Variants in MFHAS1 observed in about 807,000 individuals in gnomAD.
MFHAS1 encodes malignant fibrous histiocytoma-amplified sequence 1.
Under a neutral mutation model 70.4 loss-of-function variants are expected in MFHAS1, and 50 were observed. That is an observed-to-expected ratio of 0.71 (90% CI 0.57 to 0.90). The LOEUF is 0.90. MFHAS1 is among the 40% of genes least tolerant of loss of function. The probability of loss-of-function intolerance (pLI) is 0.00; values close to 1 mark genes in which losing one functional copy is unlikely to be tolerated. For synonymous variants in MFHAS1, 952 were observed against 620.0 expected (o/e 1.54, Z -7.96); for missense variants, 1,795 against 1,347.6 (o/e 1.33, Z -5.20).
intron 1 of MFHAS1, among the ~76,000 whole-genome samples, chr8:8,839,937 T>C (rs979626538): frequency 6.6e-6 from 1 of 151,996 alleles, no homozygotes; most frequent in African/African-American, 2.4e-5. Flanking sequence ...AACACAATAA[T>C]TGGAGGAAAA....
In MFHAS1 at chr8:8,784,567, G is replaced by C. The variant is rs1240842933; in HGVS notation, c.*1455C>G. On this transcript the variant is annotated 3_prime_UTR_variant, in exon 3 of 3. Coordinates refer to ENST00000276282, the MANE Select transcript of MFHAS1 (RefSeq NM_004225.3). Reference sequence around the variant, plus strand: ...GTGATTTCTAGCAGGGCAGTCGCTTGCTCCTTATTTCTTTTAAAAAACATG... The same window carrying C: ...GTGATTTCTAGCAGGGCAGTCGCTTCCTCCTTATTTCTTTTAAAAAACATG... 2.0e-5 allele frequency: 3 copies of C among 152,160 alleles called. No individual in the cohort carries two copies. In the East Asian group the frequency reaches 5.8e-4, roughly 29 times the overall value. The allele number at this position is 152,160 out of a possible 1,614,324, so 9.4% of individuals were successfully genotyped here. A position where few individuals can be genotyped will look rare whatever the true frequency, so the allele number is the denominator to read the frequency against.
At chr8:8,818,656 A>G (rs1007984922) in intron 1 of MFHAS1, among the ~76,000 whole-genome samples, 1 of 152,242 alleles carries the variant, frequency 6.6e-6, no homozygotes, top group Non-Finnish European at 1.5e-5. Flanking sequence ...GGCTTGGCAC[A>G]TAATAGCAAC....
At chr8:8,804,972 A>C (rs891624756) in intron 1 of MFHAS1, among the ~76,000 whole-genome samples, 2 of 152,150 alleles carry the variant, frequency 1.3e-5, no homozygotes, top group African/African-American at 4.8e-5. Context: ...TTTGGTTTGA[A>C]AGATAGGAGG....
chr8:8,843,705 G>A (rs1315850271), intron 1 of MFHAS1, among the ~76,000 whole-genome samples: 4 of 152,210 alleles, frequency 2.6e-5, no homozygotes. Context: ...CAGGTCAGAA[G>A]AGAGGGCAGA....
chr8:8,825,630 A>G (rs1488252008), intron 1 of MFHAS1, among the ~76,000 whole-genome samples: 1 of 152,120 alleles, frequency 6.6e-6, no homozygotes, highest in Non-Finnish European at 1.5e-5. Flanking sequence ...ATGTTTGGGT[A>G]CAAATTTCCT....
At chr8:8,862,701 T>A (rs1334055460) in intron 1 of MFHAS1, among the ~76,000 whole-genome samples, 1 of 152,148 alleles carries the variant, frequency 6.6e-6, no homozygotes, top group Non-Finnish European at 1.5e-5. Context: ...GAGTGAACCC[T>A]ACCTAGTGTG....
At chr8:8,865,296 A>G (rs1808815810) in intron 1 of MFHAS1, among the ~76,000 whole-genome samples, 2 of 151,646 alleles carry the variant, frequency 1.3e-5, no homozygotes, top group South Asian at 2.1e-4. Context: ...AAAAAAAAAA[A>G]AAAAGAAATG....
chr8:8,856,989 A>G (rs1347443855), intron 1 of MFHAS1, among the ~76,000 whole-genome samples: 8 of 138,842 alleles, frequency 5.8e-5, no homozygotes, highest in African/African-American at 2.1e-4. Flanking sequence ...TGAAAAAAAA[A>G]AAAAAAAAAA....
rs1563223682 is a variant in MFHAS1, at chr8:8,890,554, TTTA to T, written c.2502_2504del (p.Asn834del). 2 of 1,613,308 alleles carry T rather than the reference TTTA, an allele frequency of 1.2e-6. No homozygotes were observed. The stretch of plus-strand genomic sequence containing the variant: ...ACCCATTCAAAGGCTTGCCCTTGGG[TTTA>T]TTGAGGCAGTAACAGAGTCCCATCT... On this transcript the variant is annotated inframe_deletion, in exon 1 of 3. Transcript: ENST00000276282.
At chr8:8,878,065 C>T (rs996800198) in intron 1 of MFHAS1, among the ~76,000 whole-genome samples, 23 of 152,012 alleles carry the variant, frequency 1.5e-4, no homozygotes, top group African/African-American at 5.6e-4. Context: ...ACAGTGTGGC[C>T]TTTCTGGGAA....
At position 8,824,172 on chromosome 8, in the gene MFHAS1, A is replaced by G. The variant is rs78848785; in HGVS notation, c.2999-26681T>C. On this transcript the variant is annotated intron_variant, in intron 1 of 2. Transcript: ENST00000276282. ...ATGCTCCCTTGAGAAGAAGCCAGTAAACAGACAGGCAAACTCCATAAATAA... is the reference window on the plus strand; with the variant it reads ...ATGCTCCCTTGAGAAGAAGCCAGTAGACAGACAGGCAAACTCCATAAATAA... Among the ~76,000 whole-genome samples the G allele has an allele frequency of 3.7e-3, 568 of 151,816 alleles. 3 individuals are homozygous for G. The highest frequency in any genetic ancestry group is 0.013 in the African/African-American group (547 of 41,418).
rs76200929 is a variant in MFHAS1 at position 8,862,315 on chromosome 8, T to C, written c.2998+27746A>G. Among the ~76,000 whole-genome samples, 1,007 of 152,052 alleles carry C rather than the reference T, an allele frequency of 6.6e-3. 34 individuals are homozygous for C. The highest frequency in any genetic ancestry group is 0.057 in the Admixed American group (878 of 15,288). Reference sequence around the variant, plus strand: ...ACATCTTATACTTACCTGCTATTCATGTATCATATTTTGGAAAATCTCTAT... The same window carrying C: ...ACATCTTATACTTACCTGCTATTCACGTATCATATTTTGGAAAATCTCTAT... On this transcript the variant is annotated intron_variant, in intron 1 of 2. Coordinates refer to ENST00000276282, the MANE Select transcript of MFHAS1 (RefSeq NM_004225.3).
chr8:8,795,993 C>G (rs1338312168), intron 2 of MFHAS1, among the ~76,000 whole-genome samples: 1 of 152,216 alleles, frequency 6.6e-6, no homozygotes, highest in Non-Finnish European at 1.5e-5. Context: ...ATCATGAGAT[C>G]TGACCCAAGA....
intron 1 of MFHAS1, among the ~76,000 whole-genome samples, chr8:8,884,081 CAA>C (rs1554490103): frequency 4.9e-4 from 60 of 123,634 alleles, no homozygotes; most frequent in African/African-American, 1.6e-3. Flanking sequence ...CACACACACA[CAA>C]AAAGAAAAAA....
chr8:8,877,698 CA>C (rs1352261356), intron 1 of MFHAS1, among the ~76,000 whole-genome samples: 3 of 152,132 alleles, frequency 2.0e-5, no homozygotes, highest in Non-Finnish European at 4.4e-5. Context: ...TGAGTCTGAG[CA>C]AATAATGTGA....
At chr8:8,859,312 C>A (rs953013215) in intron 1 of MFHAS1, among the ~76,000 whole-genome samples, 1 of 152,180 alleles carries the variant, frequency 6.6e-6, no homozygotes, top group Non-Finnish European at 1.5e-5. Context: ...CCACTGCACT[C>A]TAGCCTGGGT....
Position 8,892,873 on chromosome 8 carries a change from G to A in MFHAS1, c.186C>T (p.Leu62=), listed in dbSNP as rs779517169. The change falls in exon 1 of 3, where the codon CTC becomes CTT. Residue 62 remains leucine, a synonymous_variant. Coordinates refer to ENST00000276282, the MANE Select transcript of MFHAS1 (RefSeq NM_004225.3). This position sits in a 1 kb window ranked among gnomAD's most constrained non-coding sequence, Gnocchi z 4.7. The part of the protein sequence containing the change: ...ASPQLVLPAN[L]GDIEALNLGN... ...CCAGGTTCAGTGCCTCAATGTCCCC[G>A]AGGTTGGCCGGCAGCACGAGCTGGG... The A allele has an allele frequency of 1.9e-6, 3 of 1,587,996 alleles. No homozygotes were observed. The highest frequency in any genetic ancestry group is 1.8e-5 in the Admixed American group (1 of 56,814).
intron 1 of MFHAS1, among the ~76,000 whole-genome samples, chr8:8,808,841 A>C (rs967391501): frequency 2.0e-5 from 3 of 152,212 alleles, no homozygotes; most frequent in African/African-American, 7.2e-5. Context: ...CCCGCAAATA[A>C]GGGTTGGAGG....
intron 2 of MFHAS1, among the ~76,000 whole-genome samples, chr8:8,788,244 A>G (rs1445874666): frequency 6.6e-6 from 1 of 152,266 alleles, no homozygotes; most frequent in African/African-American, 2.4e-5. Context: ...ATGTATCCTC[A>G]ACACCCGGCC....
Sources: gnomAD v4.1 joint callset for allele counts (sites outside exome capture counted in the v4.1 genomes callset) on GRCh38, gnomAD v4.1.1 for gene constraint, Gnocchi (gnomAD v3.1) non-coding constraint, MANE v1.5 for transcripts, NCBI Gene and HGNC (gene_info 2026-07-23, HGNC 2026-07-21) for gene names.